The following HIVEP1 variants were observed in gnomAD, a reference collection of about 807,000 sequenced individuals.
The protein encoded by HIVEP1 is zinc finger protein 40.
A neutral mutation model predicts 180.0 loss-of-function variants in HIVEP1; 36 were observed. The observed-to-expected ratio is 0.20, with a 90% CI of 0.15 to 0.26. HIVEP1 has a LOEUF of 0.26. Ranked by LOEUF, HIVEP1 falls within the 10% of genes least tolerant of loss-of-function variation. HIVEP1 has a pLI of 1.00. For synonymous variants in HIVEP1, 1,239 were observed against 1,239.0 expected (o/e 1.00, Z 0.00); for missense variants, 3,143 against 3,268.7 (o/e 0.96, Z 0.94).
chr6:12,127,561 G>A (rs902102687), intron 4 of HIVEP1, among the ~76,000 whole-genome samples: 4 of 152,216 alleles, frequency 2.6e-5, no homozygotes, highest in African/African-American at 9.6e-5. Flanking sequence ...AGCTCTGGAT[G>A]GAAGTGTGTA....
At chr6:12,066,197 A>G (rs1305481565) in intron 2 of HIVEP1, among the ~76,000 whole-genome samples, 2 of 151,826 alleles carry the variant, frequency 1.3e-5, no homozygotes, top group Admixed American at 1.3e-4. Context: ...CGCTGTTTCC[A>G]TTGGTTTTAA....
rs1021136554 is a variant in HIVEP1, at chr6:12,161,052, A to C, written c.6488-387A>C. On this transcript the variant is annotated intron_variant, in intron 7 of 8. Coordinates refer to ENST00000379388, the MANE Select transcript of HIVEP1 (RefSeq NM_002114.4). ...AAAGGAAGATACAAAATAGGGAAAA[A>C]GCTCAGGAAAAGAGTTGCGTTGAAC... is the stretch of plus-strand genomic sequence containing the variant. 1.1e-4 allele frequency among the ~76,000 whole-genome samples: 17 copies of C among 152,338 alleles called. No individual in the cohort carries two copies. In the East Asian group the frequency reaches 3.1e-3, roughly 28 times the overall value.
At chr6:12,209,680 C>T in the HIVEP1 span, among the ~76,000 whole-genome samples, 1 of 152,064 alleles carries the variant, frequency 6.6e-6, no homozygotes, top group Non-Finnish European at 1.5e-5. Context: ...GTGAATTGAG[C>T]AATATGTGCC....
chr6:12,039,124 A>G (rs2113670531), intron 2 of HIVEP1: 1 of 152,306 alleles, frequency 6.6e-6, no homozygotes, highest in Non-Finnish European at 1.5e-5. Context: ...TTAGATTTGT[A>G]TATTTCTACT....
chr6:12,178,527 G>A, the HIVEP1 span, among the ~76,000 whole-genome samples: 2 of 152,184 alleles, frequency 1.3e-5, no homozygotes, highest in African/African-American at 4.8e-5. Flanking sequence ...ATAAAAATGA[G>A]AGGAATGCAA....
At chr6:12,131,931 A>T (rs945033226) in intron 6 of HIVEP1, among the ~76,000 whole-genome samples, 2 of 151,962 alleles carry the variant, frequency 1.3e-5, no homozygotes. Context: ...AATTTATTAC[A>T]TTTTTTGGCT....
downstream of HIVEP1, among the ~76,000 whole-genome samples, chr6:12,168,384 G>T (rs960190320): frequency 0.014 from 1,763 of 129,778 alleles, 25 homozygotes; most frequent in Middle Eastern, 0.037. Flanking sequence ...ATGTATATAT[G>T]TATATATATA....
intron 1 of HIVEP1, among the ~76,000 whole-genome samples, chr6:12,014,448 G>C (rs1449041275): frequency 6.6e-6 from 1 of 152,138 alleles, no homozygotes; most frequent in Non-Finnish European, 1.5e-5. Flanking sequence ...GGAATGTGTA[G>C]AAAGTACACA....
At chr6:12,055,491 T>C (rs1183784746) in intron 2 of HIVEP1, among the ~76,000 whole-genome samples, 2 of 152,106 alleles carry the variant, frequency 1.3e-5, no homozygotes, top group East Asian at 3.9e-4. Flanking sequence ...TAAAAAGTCA[T>C]TATTTTGTTA....
At chr6:12,015,114 A>G (rs1191315494) in intron 1 of HIVEP1, among the ~76,000 whole-genome samples, 2 of 152,262 alleles carry the variant, frequency 1.3e-5, no homozygotes, top group Non-Finnish European at 2.9e-5. Flanking sequence ...TAACTGGAGT[A>G]GCCACAGTAG....
chr6:12,179,627 G>T, the HIVEP1 span, among the ~76,000 whole-genome samples: 4 of 152,174 alleles, frequency 2.6e-5, no homozygotes, highest in Non-Finnish European at 5.9e-5. Context: ...TCAAGGCCAA[G>T]GTTGCTCTCC....
At chr6:12,095,058 G>A (rs769707269) in intron 3 of HIVEP1, among the ~76,000 whole-genome samples, 6 of 151,848 alleles carry the variant, frequency 4.0e-5, no homozygotes, top group African/African-American at 1.2e-4. Context: ...AAAATCAGTC[G>A]TAGTATTTTC....
At chr6:12,166,959 GATT>G (rs1393478554), downstream of HIVEP1, among the ~76,000 whole-genome samples, 4 of 152,160 alleles carry the variant, frequency 2.6e-5, no homozygotes, top group African/African-American at 9.7e-5. Flanking sequence ...TCTAGTTAAA[GATT>G]ATTATATCTG....
chr6:12,025,740 G>A (rs1768539241), intron 2 of HIVEP1, among the ~76,000 whole-genome samples: 1 of 152,192 alleles, frequency 6.6e-6, no homozygotes, highest in African/African-American at 2.4e-5. Context: ...TGCAGGTAAA[G>A]GGCAAATAAC....
At position 12,123,862 on chromosome 6, in the gene HIVEP1, T is replaced by C. The variant is rs777143546; in HGVS notation, c.4067T>C (p.Val1356Ala). The C allele has an allele frequency of 6.2e-7, 1 of 1,614,150 alleles. No homozygotes were observed. Among genetic ancestry groups the C allele is most frequent in the Non-Finnish European group, 8.5e-7 (1 of 1,180,020 alleles). The change falls in exon 4 of 9, where the codon GTT becomes GCT. Residue 1356 changes from valine to alanine, a missense_variant. Physicochemically the swap from Val to Ala is moderately conservative, Grantham distance 64. Transcript: ENST00000379388. Reference protein sequence around the residue: ...MIPAGLNTLNVPGCHREMRRT... With the variant: ...MIPAGLNTLNAPGCHREMRRT... ...CCAGCTGGCTTGAATACTCTGAATGTTCCTGGATGTCACCGGGAAATGAGG... is the reference window on the plus strand; with the variant it reads ...CCAGCTGGCTTGAATACTCTGAATGCTCCTGGATGTCACCGGGAAATGAGG...
At chr6:12,190,580 T>C in the HIVEP1 span, among the ~76,000 whole-genome samples, 1 of 152,210 alleles carries the variant, frequency 6.6e-6, no homozygotes, top group African/African-American at 2.4e-5. Flanking sequence ...TCTTTTGGCT[T>C]TGGTGGTCAC....
chr6:12,009,384 C>G (rs1767167381), upstream of HIVEP1, among the ~76,000 whole-genome samples: 1 of 152,194 alleles, frequency 6.6e-6, no homozygotes, highest in African/African-American at 2.4e-5. Context: ...CTCCCTCGAA[C>G]CCCACTTTCC....
At chr6:12,018,743 C>T (rs942327790) in intron 2 of HIVEP1, among the ~76,000 whole-genome samples, 2 of 152,110 alleles carry the variant, frequency 1.3e-5, no homozygotes, top group Middle Eastern at 3.2e-3. Context: ...GCATTTCATC[C>T]TGGGGTAGCA....
In HIVEP1 at chr6:12,109,042, C is replaced by T. The variant is rs917271364; in HGVS notation, c.95-10848C>T. Among the ~76,000 whole-genome samples the T allele has an allele frequency of 3.9e-5, 6 of 152,208 alleles. No homozygotes were observed. In the East Asian group the frequency reaches 7.7e-4, roughly 20 times the overall value. On this transcript the variant is annotated intron_variant, in intron 3 of 8. Coordinates refer to ENST00000379388, the MANE Select transcript of HIVEP1 (RefSeq NM_002114.4). ...TCGCCCAGGCTGGAGTGCAGCGGCG[C>T]GATCTTGGCTTACTGCAAGCTCCGC...
Sources: gnomAD v4.1 joint callset for allele counts (sites outside exome capture counted in the v4.1 genomes callset) on GRCh38, gnomAD v4.1.1 for gene constraint, MANE v1.5 for transcripts, NCBI Gene and HGNC (gene_info 2026-07-23, HGNC 2026-07-21) for gene names.